ANKRD11: variants seen among roughly 807,000 people sequenced by gnomAD.
ANKRD11 encodes the protein ankyrin repeat domain 11.
ANKRD11 carries 17 observed loss-of-function variants against 195.7 expected under a neutral mutation model. The observed-to-expected ratio is 0.09, with a 90% CI of 0.06 to 0.13. The LOEUF (loss-of-function observed/expected upper bound fraction) is 0.13. Among genes scored for constraint, ANKRD11 ranks in the 10% least tolerant of loss-of-function variants. The pLI is 1.00. For synonymous variants in ANKRD11, 1,953 were observed against 1,528.1 expected, an observed-to-expected ratio of 1.28 and a Z score of -6.49; for missense variants, 3,735 against 3,566.1, an observed-to-expected ratio of 1.05 and a Z score of -1.21.
rs558159325 is a variant in ANKRD11 at position 89,286,587 on chromosome 16, C to T, written c.745-401G>A. ...GTGGTGCCGGAGTGGTCGTGGAGGG[C>T]TCAGGCAAGAGGTTAGGGAGAAGAG... is the stretch of plus-strand genomic sequence containing the variant. On this transcript the variant is annotated intron_variant, in intron 7 of 12. Transcript: ENST00000301030. The T allele has an allele frequency of 1.7e-5, 18 of 1,074,542 alleles. No individual in the cohort carries two copies. The African/African-American group carries it at 2.7e-4, about 16-fold the overall frequency. The allele number at this position is 1,074,542 out of a possible 1,614,324, so 66.6% of individuals were successfully genotyped here. A position where few individuals can be genotyped will look rare whatever the true frequency, so the allele number is the denominator to read the frequency against.
intron 1 of ANKRD11, among the ~76,000 whole-genome samples, chr16:89,462,454 C>G (rs2056713345): frequency 6.6e-6 from 1 of 152,246 alleles, no homozygotes; most frequent in Non-Finnish European, 1.5e-5. Flanking sequence ...CTTGGCCTCC[C>G]AAAGTGCCGA....
Position 89,490,529 on chromosome 16 carries a change from C to A in ANKRD11, c.-429G>T. On this transcript the variant is annotated 5_prime_UTR_variant, in exon 1 of 13. Transcript: ENST00000301030. ...GCGGCGCCTCCCCGGCTGGGGCCCTCGGTCCATCGCGCACCGTCTCAGGGC... is the reference window on the plus strand; with the variant it reads ...GCGGCGCCTCCCCGGCTGGGGCCCTAGGTCCATCGCGCACCGTCTCAGGGC... 4.3e-6 allele frequency: 2 copies of A among 469,154 alleles called. No homozygotes were observed. The highest frequency in any genetic ancestry group is 6.8e-5 in the South Asian group (2 of 29,208). 29.1% of individuals were successfully genotyped at this position (469,154 alleles called of 1,614,324 possible).
At chr16:89,437,832 C>T (rs772157053) in intron 1 of ANKRD11, among the ~76,000 whole-genome samples, 3 of 152,160 alleles carry the variant, frequency 2.0e-5, no homozygotes, top group East Asian at 1.9e-4. Flanking sequence ...CAGGGCACCT[C>T]GACGCTATGC....
intron 1 of ANKRD11, among the ~76,000 whole-genome samples, chr16:89,487,993 G>A (rs1002521373): frequency 3.9e-5 from 6 of 152,232 alleles, no homozygotes; most frequent in South Asian, 2.1e-4. Context: ...TGGCCAGTCC[G>A]GAGAAAAGCA....
chr16:89,383,216 A>G (rs1253945534), intron 2 of ANKRD11, among the ~76,000 whole-genome samples: 5 of 152,210 alleles, frequency 3.3e-5, no homozygotes, highest in African/African-American at 1.2e-4. Flanking sequence ...AAGAGGGAGG[A>G]GCCACAAGAG....
At chr16:89,297,845 G>A (rs970462530) in intron 4 of ANKRD11, 3 of 152,188 alleles carry the variant, frequency 2.0e-5, no homozygotes, top group Admixed American at 6.5e-5. Context: ...GAAAGACAGG[G>A]CCTACCCCTG....
chr16:89,324,469 TG>T, intron 2 of ANKRD11: 1 of 457,310 alleles, frequency 2.2e-6, no homozygotes, highest in Admixed American at 2.3e-5. Flanking sequence ...TCAACTTGAC[TG>T]GACTAAAGGA....
chr16:89,441,596 C>T (rs370294968), intron 1 of ANKRD11, among the ~76,000 whole-genome samples: 1,589 of 151,460 alleles, frequency 0.01, 8 homozygotes, highest in Middle Eastern at 0.062. Context: ...TAAAACCCCA[C>T]CTCTACTAAA....
intron 2 of ANKRD11, chr16:89,320,153 C>G (rs1567639077): frequency 6.6e-6 from 1 of 152,340 alleles, no homozygotes; most frequent in Non-Finnish European, 1.5e-5. Flanking sequence ...CCTGGCAGGG[C>G]TGTCACATAA....
chr16:89,490,443 G>T lies in ANKRD11; in HGVS notation c.-343C>A. 2.8e-6 allele frequency: 1 copy of T among 359,580 alleles called. No individual in the cohort carries two copies. The highest frequency in any genetic ancestry group is 8.2e-5 in the South Asian group (1 of 12,208). 22.3% of individuals were successfully genotyped at this position (359,580 alleles called of 1,614,324 possible). On this transcript the variant is annotated 5_prime_UTR_variant, in exon 1 of 13. Coordinates refer to ENST00000301030, the MANE Select transcript of ANKRD11 (RefSeq NM_013275.6). ...CCCCTCGGGCGCGCCCACGGCTCGG[G>T]CGAGAGCCGCGGCTCCCGGTGCGGA...
Position 89,282,477 on chromosome 16 carries a change from AGAT to A in ANKRD11, c.4062_4064del (p.Ser1357del), listed in dbSNP as rs1399072115. On this transcript the variant is annotated inframe_deletion, in exon 9 of 13. Transcript: ENST00000301030. ...CTCGGTCGTGGCTCTTCTTGGATGA[AGAT>A]GAGGAGTGTCTGTGCCTCTCCTTCT... 5 of 1,613,718 alleles carry A rather than the reference AGAT, an allele frequency of 3.1e-6. No homozygotes were observed. Among genetic ancestry groups the A allele is most frequent in the Non-Finnish European group, 4.2e-6 (5 of 1,179,984 alleles).
intron 1 of ANKRD11, among the ~76,000 whole-genome samples, chr16:89,432,332 C>T (rs1034743956): frequency 6.6e-6 from 1 of 152,048 alleles, no homozygotes; most frequent in Non-Finnish European, 1.5e-5. Flanking sequence ...ACATGGGACA[C>T]ACTCCAGTGT....
intron 2 of ANKRD11, among the ~76,000 whole-genome samples, chr16:89,340,679 TATA>T (rs2038615117): frequency 8.5e-5 from 13 of 152,182 alleles, no homozygotes; most frequent in Admixed American, 7.9e-4. Context: ...AAAGAGACAA[TATA>T]ATTAACAAAT....
At chr16:89,475,303 G>C (rs554196081) in intron 1 of ANKRD11, among the ~76,000 whole-genome samples, 2 of 152,144 alleles carry the variant, frequency 1.3e-5, no homozygotes, top group African/African-American at 4.8e-5. Context: ...GAGGCTCCGT[G>C]GCCAAGCTGG....
chr16:89,270,710 T>C, intron 12 of ANKRD11, 107 bp downstream of exon 12: 2 of 1,090,952 alleles, frequency 1.8e-6, no homozygotes, highest in South Asian at 1.3e-5. Flanking sequence ...ATCACAGAAC[T>C]GGGCAGCGGC....
intron 2 of ANKRD11, among the ~76,000 whole-genome samples, chr16:89,413,789 C>T (rs2042190205): frequency 6.6e-6 from 1 of 152,094 alleles, no homozygotes; most frequent in African/African-American, 2.4e-5. Flanking sequence ...GGTGAGGGTG[C>T]CAGGGAGACT....
intron 1 of ANKRD11, among the ~76,000 whole-genome samples, chr16:89,479,526 T>C (rs2057371650): frequency 6.6e-6 from 1 of 152,020 alleles, no homozygotes; most frequent in Non-Finnish European, 1.5e-5. Context: ...TCCCAGCTAT[T>C]CTGGAGGCTG....
At chr16:89,292,911 C>G (rs2035158997) in intron 4 of ANKRD11, among the ~76,000 whole-genome samples, 1 of 152,208 alleles carries the variant, frequency 6.6e-6, no homozygotes, top group Non-Finnish European at 1.5e-5. Flanking sequence ...CCGGCCCTCC[C>G]CAGGCTTGCT....
intron 2 of ANKRD11, among the ~76,000 whole-genome samples, chr16:89,328,420 T>C (rs1035232958): frequency 4.6e-5 from 7 of 152,222 alleles, no homozygotes; most frequent in African/African-American, 9.6e-5. Context: ...TCACTGATAA[T>C]AGACAATGGG....
Sources: gnomAD v4.1 joint callset for allele counts (sites outside exome capture counted in the v4.1 genomes callset) on GRCh38, gnomAD v4.1.1 for gene constraint, MANE v1.5 for transcripts, NCBI Gene and HGNC (gene_info 2026-07-23, HGNC 2026-07-21) for gene names.